The following GLCE variants were observed in gnomAD, a reference collection of about 807,000 sequenced individuals.
GLCE encodes the protein glucuronic acid epimerase.
Under a neutral mutation model 47.9 loss-of-function variants are expected in GLCE, and 19 were observed. That is an observed-to-expected ratio of 0.40 (90% CI 0.28 to 0.58). The LOEUF is 0.58. Ranked by LOEUF, GLCE falls within the 20% of genes least tolerant of loss-of-function variation. The probability of loss-of-function intolerance (pLI) is 0.48; values close to 1 mark genes in which losing one functional copy is unlikely to be tolerated. For synonymous variants in GLCE, 245 were observed against 263.4 expected, an observed-to-expected ratio of 0.93 and a Z score of 0.68; for missense variants, 556 against 743.3, an observed-to-expected ratio of 0.75 and a Z score of 2.93.
At chr15:69,214,995 C>T (rs1034733227) in intron 2 of GLCE, among the ~76,000 whole-genome samples, 7 of 152,198 alleles carry the variant, frequency 4.6e-5, no homozygotes, top group East Asian at 3.8e-4. Context: ...CATCAATCTA[C>T]TGTGCCATTT....
chr15:69,167,567 T>C (rs908607999), intron 1 of GLCE, among the ~76,000 whole-genome samples: 4 of 152,244 alleles, frequency 2.6e-5, no homozygotes, highest in African/African-American at 2.4e-5. Context: ...GGCCAACTAA[T>C]AGGAATACAG....
chr15:69,249,648 A>G (rs762147193), intron 2 of GLCE, among the ~76,000 whole-genome samples: 3 of 152,202 alleles, frequency 2.0e-5, no homozygotes, highest in Non-Finnish European at 4.4e-5. Flanking sequence ...AAAAAAGCCA[A>G]TAACAATGTA....
At chr15:69,227,494 T>G (rs1205910791) in intron 2 of GLCE, among the ~76,000 whole-genome samples, 1 of 151,648 alleles carries the variant, frequency 6.6e-6, no homozygotes, top group Admixed American at 6.6e-5. Context: ...GACAACTAAA[T>G]CAGGAGAGTC....
At chr15:69,239,242 C>T (rs1675509907) in intron 2 of GLCE, among the ~76,000 whole-genome samples, 3 of 152,194 alleles carry the variant, frequency 2.0e-5, no homozygotes, top group African/African-American at 7.2e-5. Flanking sequence ...ATTAGTTCTA[C>T]TGAGAGATGT....
chr15:69,219,964 T>TTA, intron 2 of GLCE, among the ~76,000 whole-genome samples: 1 of 152,260 alleles, frequency 6.6e-6, no homozygotes, highest in Admixed American at 6.5e-5. Flanking sequence ...ACAAATGGAA[T>TTA]TATAGTATTA....
rs377631668 is a variant in GLCE at position 69,188,786 on chromosome 15, AC to A, written c.-104-21524del. ...TTGGTAATTTATGTATTTTCTCTCCACCCCCCTCCTCCATTAGTCTGGCTAG... is the reference window on the plus strand; with the variant it reads ...TTGGTAATTTATGTATTTTCTCTCCACCCCCTCCTCCATTAGTCTGGCTAG... On this transcript the variant is annotated intron_variant, in intron 1 of 4. Coordinates refer to ENST00000261858, the MANE Select transcript of GLCE (RefSeq NM_015554.3). 7.3e-5 allele frequency among the ~76,000 whole-genome samples: 11 copies of A among 150,178 alleles called. No homozygotes were observed. In the East Asian group the frequency reaches 1.4e-3, roughly 19 times the overall value.
rs1336927149 is a variant in GLCE at position 69,261,121 on chromosome 15, C to G, written c.621C>G (p.Gly207=). 5.6e-6 allele frequency: 9 copies of G among 1,612,858 alleles called. No individual in the cohort carries two copies. The highest frequency in any genetic ancestry group is 7.6e-6 in the Non-Finnish European group (9 of 1,178,980). ...VPLSTQWGPQ[G]YFYPIQIAQY... ...TATCTACACAATGGGGACCTCAAGGCTATTTCTATCCAATCCAGATTGCAC... is the reference window on the plus strand; with the variant it reads ...TATCTACACAATGGGGACCTCAAGGGTATTTCTATCCAATCCAGATTGCAC... The change falls in exon 4 of 5, where the codon GGC becomes GGG. Residue 207 remains glycine, a synonymous_variant. Coordinates refer to ENST00000261858, the MANE Select transcript of GLCE (RefSeq NM_015554.3).
chr15:69,218,022 T>C (rs1412990379), intron 2 of GLCE, among the ~76,000 whole-genome samples: 2 of 151,450 alleles, frequency 1.3e-5, no homozygotes, highest in Non-Finnish European at 2.9e-5. Flanking sequence ...GGCGTGGTGG[T>C]GCGCACCTGT....
chr15:69,248,442 T>TA (rs1423013117), intron 2 of GLCE, among the ~76,000 whole-genome samples: 1 of 152,238 alleles, frequency 6.6e-6, no homozygotes, highest in Admixed American at 6.5e-5. Context: ...AATACCCAAA[T>TA]ATTGGAAAGA....
chr15:69,188,826 T>G (rs988879632), intron 1 of GLCE, among the ~76,000 whole-genome samples: 6 of 152,210 alleles, frequency 3.9e-5, no homozygotes, highest in African/African-American at 1.4e-4. Flanking sequence ...TTTATTAATT[T>G]TATTGATCTC....
chr15:69,219,933 G>C (rs991707499), intron 2 of GLCE, among the ~76,000 whole-genome samples: 2 of 151,976 alleles, frequency 1.3e-5, no homozygotes, highest in African/African-American at 4.8e-5. Flanking sequence ...GTGTCTTTAT[G>C]ATTTTGAATA....
chr15:69,268,867 A>G lies in GLCE; in HGVS notation c.1477A>G (p.Lys493Glu). 6.2e-7 allele frequency: 1 copy of G among 1,614,182 alleles called. No homozygotes were observed. Among genetic ancestry groups the G allele is most frequent in the East Asian group, 2.2e-5 (1 of 44,896 alleles). ...TGGAGTTAAAGCTGTGTTTATGAAT[A>G]AACATGACTGGTATGAAGAATATCC... ...QHGVKAVFMN[K>E]HDWYEEYPTT... Residue 493 changes from lysine (K) to glutamate (E), a missense_variant, in exon 5 of 5, where the codon AAA becomes GAA. Physicochemically the swap from Lys to Glu is moderately conservative, Grantham distance 56. Transcript: ENST00000261858.
chr15:69,186,436 T>C (rs1268708719), intron 1 of GLCE, among the ~76,000 whole-genome samples: 1 of 152,092 alleles, frequency 6.6e-6, no homozygotes, highest in Non-Finnish European at 1.5e-5. Context: ...TGCTGCAGAG[T>C]TAAATAAGCT....
At chr15:69,259,720 A>AC (rs1287426433) in intron 3 of GLCE, among the ~76,000 whole-genome samples, 6 of 152,202 alleles carry the variant, frequency 3.9e-5, no homozygotes, top group Non-Finnish European at 8.8e-5. Flanking sequence ...TATTGTAGTC[A>AC]CCACTCATGT....
chr15:69,182,294 T>A (rs1415156579), intron 1 of GLCE, among the ~76,000 whole-genome samples: 16 of 151,212 alleles, frequency 1.1e-4, no homozygotes, highest in African/African-American at 3.7e-4. Flanking sequence ...TGTGTGTGTG[T>A]GTGTGAGAGA....
intron 2 of GLCE, among the ~76,000 whole-genome samples, chr15:69,214,306 C>G (rs1298362088): frequency 1.3e-5 from 2 of 152,022 alleles, no homozygotes; most frequent in African/African-American, 4.8e-5. Flanking sequence ...CCCATAATCC[C>G]CACATGTTGA....
rs370015022 is a variant in GLCE, at chr15:69,227,186, T to C, written c.-14+16780T>C. ...AAATGCAATTTGAGTCAGTAGACCA[T>C]GTGTAAGAGAGACATTTTTGCTAAG... On this transcript the variant is annotated intron_variant, in intron 2 of 4. Transcript: ENST00000261858. Among the ~76,000 whole-genome samples, 11 of 152,302 alleles carry C rather than the reference T, an allele frequency of 7.2e-5. No individual in the cohort carries two copies. In the East Asian group the frequency reaches 1.3e-3, roughly 19 times the overall value.
rs201725438 is a variant in GLCE at position 69,196,134 on chromosome 15, A to T, written c.-104-14182A>T. ...CTGTACAGATATCTCAGGGAAGAAC[A>T]TTCCTGTTCTAAGGTATAGCAAGGG... On this transcript the variant is annotated intron_variant, in intron 1 of 4. Transcript: ENST00000261858. Among the ~76,000 whole-genome samples the T allele has an allele frequency of 2.2e-4, 33 of 152,258 alleles. No individual in the cohort carries two copies. The East Asian group carries it at 4.4e-3, about 21-fold the overall frequency.
chr15:69,239,900 C>T (rs1218666044), intron 2 of GLCE, among the ~76,000 whole-genome samples: 1 of 152,100 alleles, frequency 6.6e-6, no homozygotes, highest in Non-Finnish European at 1.5e-5. Flanking sequence ...TTTAACTATA[C>T]ATTAAGAAGG....
Sources: allele counts gnomAD v4.1 joint callset (sites outside exome capture counted in the v4.1 genomes callset), GRCh38; gene constraint gnomAD v4.1.1; transcripts MANE v1.5; gene names NCBI Gene and HGNC (gene_info 2026-07-23, HGNC 2026-07-21).